The following PCMT1 variants were observed in gnomAD, a reference collection of about 807,000 sequenced individuals.
The protein encoded by PCMT1 is protein-L-isoaspartate (D-aspartate) O-methyltransferase.
Under a neutral mutation model 29.2 loss-of-function variants are expected in PCMT1, and 9 were observed. That is an observed-to-expected ratio of 0.31 (90% confidence interval 0.19 to 0.54). The LOEUF is 0.54. Among genes scored for constraint, PCMT1 ranks in the 20% least tolerant of loss-of-function variants. The pLI is 0.95. For missense variants in PCMT1, 184 were observed against 282.2 expected (o/e 0.65, Z 2.49); for synonymous variants, 98 against 97.5 (o/e 1.00, Z -0.03).
At chr6:149,793,345 T>A (rs1322903524) in intron 4 of PCMT1, among the ~76,000 whole-genome samples, 2 of 152,194 alleles carry the variant, frequency 1.3e-5, no homozygotes, top group East Asian at 3.8e-4. Flanking sequence ...ATTACAAGTT[T>A]TATTCAATGA....
At chr6:149,796,735 G>A (rs1401329512) in intron 6 of PCMT1, 7 of 375,082 alleles carry the variant, frequency 1.9e-5, no homozygotes, top group South Asian at 7.4e-5. Flanking sequence ...TAAGAACTAG[G>A]ACAACAGTAG....
At chr6:149,769,327 T>TTTTTTTTTTTTTTTTTA (rs1787217891) in intron 1 of PCMT1, among the ~76,000 whole-genome samples, 1 of 137,818 alleles carries the variant, frequency 7.3e-6, no homozygotes, top group Non-Finnish European at 1.5e-5. Context: ...TTTTTTTTTT[T>TTTTTTTTTTTTTTTTTA]TTTTTGAGAC....
chr6:149,800,415 G>A (rs1157972767), intron 6 of PCMT1, among the ~76,000 whole-genome samples: 1 of 152,182 alleles, frequency 6.6e-6, no homozygotes, highest in Non-Finnish European at 1.5e-5. Context: ...GTTGCAGTGA[G>A]CCGAGATCGT....
chr6:149,759,805 C>G (rs796176520), intron 1 of PCMT1, among the ~76,000 whole-genome samples: 41 of 152,082 alleles, frequency 2.7e-4, no homozygotes, highest in African/African-American at 9.6e-4. Context: ...TATTTTCTTA[C>G]CTGTATTTTC....
rs376067903 is a variant in PCMT1 at position 149,796,403 on chromosome 6, T to C, written c.419-12T>C. The stretch of plus-strand genomic sequence containing the variant: ...TAAACAGGTTTTTAAAGCATAGCTG[T>C]TTTTCTTTCAGTGGGGGATGGAAGA... On this transcript the variant is annotated splice_polypyrimidine_tract_variant and intron_variant, in intron 5 of 7. Transcript: ENST00000464889. The C allele has an allele frequency of 3.1e-6, 5 of 1,604,064 alleles. No homozygotes were observed. The highest frequency in any genetic ancestry group is 2.7e-5 in the African/African-American group (2 of 74,546).
chr6:149,794,245 G>A (rs1426817525), intron 5 of PCMT1, among the ~76,000 whole-genome samples: 1 of 152,108 alleles, frequency 6.6e-6, no homozygotes, highest in Non-Finnish European at 1.5e-5. Flanking sequence ...TTTTGTGTAT[G>A]TGTGAGGTAA....
chr6:149,787,660 G>C (rs1788178386), intron 3 of PCMT1, among the ~76,000 whole-genome samples: 1 of 152,010 alleles, frequency 6.6e-6, no homozygotes, highest in African/African-American at 2.4e-5. Flanking sequence ...ACCATGCCCG[G>C]CCCAAATGTT....
chr6:149,802,699 CTG>C (rs1775876920), intron 7 of PCMT1, among the ~76,000 whole-genome samples: 1 of 151,600 alleles, frequency 6.6e-6, no homozygotes, highest in South Asian at 2.1e-4. Flanking sequence ...ATCAGCCACT[CTG>C]TTTTTATGTT....
rs995019218 is a variant in PCMT1, at chr6:149,810,991, C to T, written c.*413C>T. 5.4e-6 allele frequency: 1 copy of T among 183,994 alleles called. No individual in the cohort carries two copies. The highest frequency in any genetic ancestry group is 1.1e-5 in the Non-Finnish European group (1 of 89,110). 11.4% of individuals were successfully genotyped at this position (183,994 alleles called of 1,614,324 possible). A position where few individuals can be genotyped will look rare whatever the true frequency, so the allele number is the denominator to read the frequency against. ...GTTCTGATATTAATTTATCAGATTG[C>T]TTTTGTGCATTGGATAACACCACCA... On this transcript the variant is annotated 3_prime_UTR_variant, in exon 8 of 8. Transcript: ENST00000464889.
At chr6:149,788,218 T>A (rs910014819) in intron 3 of PCMT1, among the ~76,000 whole-genome samples, 1 of 152,168 alleles carries the variant, frequency 6.6e-6, no homozygotes, top group Non-Finnish European at 1.5e-5. Context: ...CGGCCAATGC[T>A]CTTTACCTTT....
intron 1 of PCMT1, among the ~76,000 whole-genome samples, chr6:149,757,698 G>A (rs919043777): frequency 6.6e-6 from 1 of 152,106 alleles, no homozygotes; most frequent in Non-Finnish European, 1.5e-5. Context: ...TTGAAAAAGT[G>A]TTTTCTGTCA....
intron 3 of PCMT1, among the ~76,000 whole-genome samples, chr6:149,773,569 G>A (rs1340885731): frequency 3.9e-5 from 6 of 152,034 alleles, no homozygotes; most frequent in African/African-American, 1.2e-4. Context: ...TAGTAGAGAC[G>A]GGGTTTCATG....
At chr6:149,779,416 C>A (rs1787718413) in intron 3 of PCMT1, among the ~76,000 whole-genome samples, 1 of 152,134 alleles carries the variant, frequency 6.6e-6, no homozygotes, top group African/African-American at 2.4e-5. Context: ...CCGACTGCGC[C>A]AGTGATCACC....
chr6:149,789,623 A>G (rs1562417517), intron 3 of PCMT1, among the ~76,000 whole-genome samples: 1 of 152,160 alleles, frequency 6.6e-6, no homozygotes, highest in Non-Finnish European at 1.5e-5. Context: ...AACTAGTAAT[A>G]TTGGTTACCT....
At position 149,761,920 on chromosome 6, in the gene PCMT1, C is replaced by T. The variant is rs115736004; in HGVS notation, c.56-9242C>T. Among the ~76,000 whole-genome samples, 531 of 152,226 alleles carry T rather than the reference C, an allele frequency of 3.5e-3. 7 individuals carry two copies. The highest frequency in any genetic ancestry group is 0.012 in the African/African-American group (506 of 41,536). On this transcript the variant is annotated intron_variant, in intron 1 of 7. Transcript: ENST00000464889. ...ATGACTGTATCCATACTTTGCTGAA[C>T]GATGTAGTGTATTGAGTTTATTCCT... is the stretch of plus-strand genomic sequence containing the variant.
intron 4 of PCMT1, among the ~76,000 whole-genome samples, chr6:149,790,632 T>TGGTGG (rs1407988918): frequency 6.6e-6 from 1 of 151,788 alleles, no homozygotes; most frequent in Non-Finnish European, 1.5e-5. Context: ...CTACAGTACT[T>TGGTGG]GGTGGGGCAT....
chr6:149,761,026 A>AGTGTGTGT (rs57501586), intron 1 of PCMT1, among the ~76,000 whole-genome samples: 3 of 149,642 alleles, frequency 2.0e-5, no homozygotes, highest in Admixed American at 1.3e-4. Context: ...CAGGTAAAAA[A>AGTGTGTGT]GTGTGTGTGT....
At chr6:149,790,883 T>C (rs570109960) in intron 4 of PCMT1, among the ~76,000 whole-genome samples, 1 of 152,242 alleles carries the variant, frequency 6.6e-6, no homozygotes, top group South Asian at 2.1e-4. Flanking sequence ...GTGGAGCACC[T>C]GCAGTCCCAG....
rs113346306 is a variant in PCMT1 at position 149,773,282 on chromosome 6, T to C, written c.192+113T>C. The C allele has an allele frequency of 3.9e-4, 309 of 801,342 alleles. 1 individual carries two copies. In the African/African-American group the frequency reaches 5.0e-3, roughly 13 times the overall value. The allele number at this position is 801,342 out of a possible 1,614,324, so 49.6% of individuals were successfully genotyped here. ...GTATCAATTTATCATCTATGAGTTA[T>C]GTGAATTGGTAATGAACATCATTTT... is the stretch of plus-strand genomic sequence containing the variant. On this transcript the variant is annotated intron_variant, in intron 3 of 7. Coordinates refer to ENST00000464889, the MANE Select transcript of PCMT1 (RefSeq NM_001360452.2).
Sources: allele counts gnomAD v4.1 joint callset (sites outside exome capture counted in the v4.1 genomes callset), GRCh38; gene constraint gnomAD v4.1.1; transcripts MANE v1.5; gene names NCBI Gene and HGNC (gene_info 2026-07-23, HGNC 2026-07-21).